SLC5A4: variants seen among roughly 807,000 people sequenced by gnomAD.
SLC5A4 encodes probable glucose sensor protein SLC5A4.
In SLC5A4, 55 loss-of-function variants were observed where a neutral mutation model predicts 70.3. The ratio of observed to expected loss-of-function variants is 0.78; its 90% CI spans 0.63 to 0.98. The LOEUF (loss-of-function observed/expected upper bound fraction) is 0.98, where lower values mean the gene tolerates loss of function less well. Ranked by LOEUF, SLC5A4 falls within the 50% of genes least tolerant of loss-of-function variation. The probability of loss-of-function intolerance (pLI) is 0.00; values close to 1 mark genes in which losing one functional copy is unlikely to be tolerated. For missense variants in SLC5A4, 735 were observed against 839.2 expected (o/e 0.88, Z 1.53); for synonymous variants, 268 against 305.7 (o/e 0.88, Z 1.29).
chr22:32,272,449 A>G, the SLC5A4 span: 293 of 824,242 alleles, frequency 3.6e-4, 1 homozygote, highest in African/African-American at 4.3e-3. Context: ...CCAGATGATC[A>G]GCGTCAGGAA....
Position 32,235,030 on chromosome 22 carries a change from A to G in SLC5A4, c.728T>C (p.Val243Ala), listed in dbSNP as rs188995139. 3 of 1,613,774 alleles carry G rather than the reference A, an allele frequency of 1.9e-6. No homozygotes were observed. In the African/African-American group the frequency reaches 4.0e-5, roughly 22 times the overall value. Reference sequence around the variant, plus strand: ...GATTGTCAAGTTGTCCCCCTCGACTACGGATGGGGTGGCATTCACGTACTT... The same window carrying G: ...GATTGTCAAGTTGTCCCCCTCGACTGCGGATGGGGTGGCATTCACGTACTT... ...TEKYVNATPS[V>A]VEGDNLTISA... The change falls in exon 8 of 15, where the codon GTA (valine) becomes GCA (alanine). Residue 243 changes from valine to alanine, a missense_variant. By Grantham distance (64) the Val-to-Ala change is moderately conservative. Transcript: ENST00000266086.
the SLC5A4 span, among the ~76,000 whole-genome samples, chr22:32,353,264 A>G: frequency 6.6e-6 from 1 of 152,142 alleles, no homozygotes; most frequent in Non-Finnish European, 1.5e-5. Context: ...AGGAGCAGCA[A>G]AAACTGAACC....
intron 5 of SLC5A4, among the ~76,000 whole-genome samples, chr22:32,240,022 C>CAAAAAA (rs35616277): frequency 1.5e-4 from 11 of 74,066 alleles, no homozygotes; most frequent in African/African-American, 4.3e-4. Context: ...GACTCCATCT[C>CAAAAAA]AAAAAAAAAA....
the SLC5A4 span, among the ~76,000 whole-genome samples, chr22:32,293,326 G>GT: frequency 2.0e-5 from 3 of 151,864 alleles, no homozygotes; most frequent in Admixed American, 1.3e-4. Context: ...TAATGATGTG[G>GT]TTTTTTTGGT....
chr22:32,262,472 G>T, the SLC5A4 span, among the ~76,000 whole-genome samples: 1 of 152,180 alleles, frequency 6.6e-6, no homozygotes, highest in Admixed American at 6.5e-5. Flanking sequence ...ACCTTCTAGG[G>T]GCAGGTGGGT....
chr22:32,308,321 G>A, the SLC5A4 span, among the ~76,000 whole-genome samples: 1 of 44,756 alleles, frequency 2.2e-5, no homozygotes, highest in African/African-American at 3.1e-4. Flanking sequence ...GTCCTTGAAT[G>A]GCAGTCTCTG....
At chr22:32,320,616 A>T in the SLC5A4 span, among the ~76,000 whole-genome samples, 6 of 152,186 alleles carry the variant, frequency 3.9e-5, no homozygotes, top group Non-Finnish European at 7.3e-5. Context: ...TGTGGCATTA[A>T]TGCCACTTAC....
the SLC5A4 span, among the ~76,000 whole-genome samples, chr22:32,338,201 GAACACC>G: frequency 5.3e-5 from 8 of 152,182 alleles, no homozygotes; most frequent in African/African-American, 1.9e-4. Context: ...ACACAGACAA[GAACACC>G]AAGGAACTGA....
chr22:32,289,343 G>A, the SLC5A4 span, among the ~76,000 whole-genome samples: 883 of 152,298 alleles, frequency 5.8e-3, 14 homozygotes, highest in African/African-American at 0.02. Flanking sequence ...ACCTTGAACT[G>A]TAATAATTAT....
At chr22:32,232,869 A>G in intron 9 of SLC5A4, 30 bp downstream of exon 9, 1 of 1,584,404 alleles carries the variant, frequency 6.3e-7, no homozygotes, top group African/African-American at 1.4e-5. Context: ...AAGCATAAAA[A>G]AAGAGAGAAC....
the SLC5A4 span, among the ~76,000 whole-genome samples, chr22:32,331,987 C>T: frequency 6.6e-6 from 1 of 152,140 alleles, no homozygotes; most frequent in Non-Finnish European, 1.5e-5. Flanking sequence ...GGCTGCTCAG[C>T]CCAGGGGCCC....
the SLC5A4 span, among the ~76,000 whole-genome samples, chr22:32,275,215 T>A: frequency 1.8e-3 from 272 of 152,196 alleles, no homozygotes; most frequent in Middle Eastern, 6.8e-3. Flanking sequence ...GGGACCACAA[T>A]TTTTTTTAAC....
upstream of SLC5A4, among the ~76,000 whole-genome samples, chr22:32,256,926 C>G (rs1371911504): frequency 6.6e-6 from 1 of 152,172 alleles, no homozygotes; most frequent in Non-Finnish European, 1.5e-5. Flanking sequence ...TCTTTTGAGT[C>G]TATATGTAGA....
intron 11 of SLC5A4, 47 bp from the exon 12 acceptor site, chr22:32,225,870 G>C: frequency 1.3e-5 from 17 of 1,326,446 alleles, no homozygotes; most frequent in Non-Finnish European, 1.8e-5. Context: ...AAGCACTATA[G>C]TTACTTCCAT....
chr22:32,246,735 C>T (rs1033644300), intron 5 of SLC5A4, among the ~76,000 whole-genome samples: 2 of 152,000 alleles, frequency 1.3e-5, no homozygotes, highest in South Asian at 4.2e-4. Context: ...ACCATGTTGG[C>T]CAGGCTGGTC....
chr22:32,306,690 C>T, the SLC5A4 span, among the ~76,000 whole-genome samples: 1 of 152,102 alleles, frequency 6.6e-6, no homozygotes. Flanking sequence ...TCTGGCTGGC[C>T]CTGGGGAGGA....
intron 5 of SLC5A4, among the ~76,000 whole-genome samples, chr22:32,241,406 G>A (rs1445337736): frequency 6.6e-6 from 1 of 152,204 alleles, no homozygotes; most frequent in Non-Finnish European, 1.5e-5. Context: ...TTGGCAAAAT[G>A]AGGAACACCA....
chr22:32,274,778 A>G, the SLC5A4 span, among the ~76,000 whole-genome samples: 45,196 of 152,138 alleles, frequency 0.3, 6,768 homozygotes, highest in East Asian at 0.39. Context: ...AATATACCAG[A>G]ACATTAACAA....
chr22:32,333,214 T>C, the SLC5A4 span, among the ~76,000 whole-genome samples: 1 of 142,082 alleles, frequency 7.0e-6, no homozygotes, highest in African/African-American at 2.6e-5. Context: ...CCCAGAAGAC[T>C]CAGACCAGTC....
Sources: allele counts gnomAD v4.1 joint callset (sites outside exome capture counted in the v4.1 genomes callset), GRCh38; gene constraint gnomAD v4.1.1; transcripts MANE v1.5; gene names NCBI Gene and HGNC (gene_info 2026-07-23, HGNC 2026-07-21).